Variants in WIPF1 observed in about 807,000 individuals in gnomAD.
WIPF1 encodes the protein WAS/WASL interacting protein family member 1, also known as WAS/WASL-interacting protein family member 1.
A neutral mutation model predicts 35.4 loss-of-function variants in WIPF1; 13 were observed. The ratio of observed to expected loss-of-function variants is 0.37; its 90% confidence interval spans 0.24 to 0.58. The LOEUF is 0.58. Ranked by LOEUF, WIPF1 falls within the 20% of genes least tolerant of loss-of-function variation. The pLI is 0.74. For synonymous variants in WIPF1, 267 were observed against 266.3 expected, an observed-to-expected ratio of 1.00 and a Z score of -0.02; for missense variants, 591 against 667.0, an observed-to-expected ratio of 0.89 and a Z score of 1.25.
chr2:174,579,533 G>A (rs1178331985), intron 3 of WIPF1, among the ~76,000 whole-genome samples: 1 of 152,246 alleles, frequency 6.6e-6, no homozygotes, highest in Non-Finnish European at 1.5e-5. Context: ...TGTGACAGCA[G>A]TATAGGTGTC....
chr2:174,576,230 C>CAAAAAAAAAAAA (rs66562213), intron 3 of WIPF1, among the ~76,000 whole-genome samples: 36 of 98,926 alleles, frequency 3.6e-4, no homozygotes, highest in African/African-American at 1.5e-3. Flanking sequence ...TGCACTCCAG[C>CAAAAAAAAAAAA]AAAAAAAAAA....
rs1284391680 is a variant in WIPF1, at chr2:174,571,819, T to C, written c.986A>G (p.Asp329Gly). 1 of 1,614,118 alleles carries C rather than the reference T, an allele frequency of 6.2e-7. No individual in the cohort carries two copies. The highest frequency in any genetic ancestry group is 8.5e-7 in the Non-Finnish European group (1 of 1,179,998). The change falls in exon 5 of 8, where the codon GAC becomes GGC. Residue 329 changes from aspartate to glycine, a missense_variant. By Grantham distance (94) the Asp-to-Gly change is moderately conservative (BLOSUM62 -1). Around this residue, in one of 3 missense-constraint regions of WIPF1, gnomAD observed 471 missense variants for 501.1 expected, o/e 0.94. Transcript: ENST00000679041. The surrounding 1 kb of genome is among the most constrained non-coding windows in gnomAD (Gnocchi z 4.6). ...PPLPPSSSGNDETPRLPQRNL... is the reference protein window; with the variant it reads ...PPLPPSSSGNGETPRLPQRNL... Reference sequence around the variant, plus strand: ...CCGCTGTGGGAGTCTTGGGGTTTCGTCATTGCCGCTGGAACTTGGAGGCAG... The same window carrying C: ...CCGCTGTGGGAGTCTTGGGGTTTCGCCATTGCCGCTGGAACTTGGAGGCAG...
At chr2:174,586,873 G>A (rs1169060475) in intron 1 of WIPF1, among the ~76,000 whole-genome samples, 1 of 152,164 alleles carries the variant, frequency 6.6e-6, no homozygotes, top group Admixed American at 6.6e-5. Context: ...TGATTCATAC[G>A]CACTAAAGCC....
chr2:174,599,227 C>T (rs1348066963), upstream of WIPF1, among the ~76,000 whole-genome samples: 1 of 152,064 alleles, frequency 6.6e-6, no homozygotes, highest in Non-Finnish European at 1.5e-5. Context: ...GGGCCTGTAG[C>T]ATTCAGTGGG....
At position 174,665,140 on chromosome 2, in the gene WIPF1, G is replaced by A. The variant is rs569779622; in HGVS notation, c.-39+17634C>T. The stretch of plus-strand genomic sequence containing the variant: ...AGGAGAGGCAGACCGAGGGTATAAC[G>A]CTGCATACATCCCTATAATATGGTT... On this transcript the variant is annotated intron_variant, in intron 1 of 8. Transcript: ENST00000272746. 4.6e-5 allele frequency: 7 copies of A among 152,218 alleles called. 1 individual carries two copies. Among genetic ancestry groups the A allele is most frequent in the African/African-American group, 1.4e-4 (6 of 41,538 alleles). The allele number at this position is 152,218 out of a possible 1,614,324, so 9.4% of individuals were successfully genotyped here.
chr2:174,605,912 C>T (rs1686148623), intron 1 of WIPF1, among the ~76,000 whole-genome samples: 1 of 151,934 alleles, frequency 6.6e-6, no homozygotes, highest in South Asian at 2.1e-4. Context: ...AAGAGGTTTG[C>T]TTAATCTAGT....
intron 1 of WIPF1, among the ~76,000 whole-genome samples, chr2:174,628,428 T>A (rs1686915054): frequency 6.6e-6 from 1 of 152,236 alleles, no homozygotes; most frequent in Non-Finnish European, 1.5e-5. Context: ...AGGCCAATAC[T>A]GGGCAACCAT....
chr2:174,606,067 G>GA, intron 1 of WIPF1, among the ~76,000 whole-genome samples: 1 of 152,232 alleles, frequency 6.6e-6, no homozygotes, highest in Non-Finnish European at 1.5e-5. Flanking sequence ...GTTCTTCCCA[G>GA]AAAAGGAGTA....
chr2:174,632,943 G>A (rs1168086371), intron 1 of WIPF1, among the ~76,000 whole-genome samples: 1 of 152,118 alleles, frequency 6.6e-6, no homozygotes, highest in Non-Finnish European at 1.5e-5. Flanking sequence ...TGGGGCTCAA[G>A]GGCAGTACCA....
intron 1 of WIPF1, among the ~76,000 whole-genome samples, chr2:174,640,578 T>A (rs947757324): frequency 6.6e-6 from 1 of 151,940 alleles, no homozygotes; most frequent in African/African-American, 2.4e-5. Context: ...CCCATGTACA[T>A]GGATTTTATA....
intron 1 of WIPF1, among the ~76,000 whole-genome samples, chr2:174,671,831 A>C (rs1436600517): frequency 6.6e-6 from 1 of 152,150 alleles, no homozygotes; most frequent in Non-Finnish European, 1.5e-5. Flanking sequence ...CTGTCTCCTG[A>C]TGTTATCAAT....
At chr2:174,638,239 G>A (rs1457865125) in intron 1 of WIPF1, among the ~76,000 whole-genome samples, 1 of 152,060 alleles carries the variant, frequency 6.6e-6, no homozygotes, top group Admixed American at 6.5e-5. Flanking sequence ...TTGATATAAA[G>A]TAAAAAGGGG....
In WIPF1 at chr2:174,682,366, G is replaced by C. The variant is rs368864989; in HGVS notation, c.-39+408C>G. Reference sequence around the variant, plus strand: ...TGCCCGAACGTCCCCCTCTGTCCTAGCTGGGGTGTAGGTGCAGCCCCAGGG... The same window carrying C: ...TGCCCGAACGTCCCCCTCTGTCCTACCTGGGGTGTAGGTGCAGCCCCAGGG... On this transcript the variant is annotated intron_variant, in intron 1 of 8. Transcript: ENST00000272746. Among the ~76,000 whole-genome samples the C allele has an allele frequency of 4.0e-4, 61 of 152,280 alleles. No individual in the cohort carries two copies. In the East Asian group the frequency reaches 0.011, roughly 28 times the overall value.
chr2:174,658,396 G>T (rs1017116634), intron 1 of WIPF1, among the ~76,000 whole-genome samples: 1 of 152,176 alleles, frequency 6.6e-6, no homozygotes, highest in African/African-American at 2.4e-5. Context: ...TGATAAAAGT[G>T]AGCAAGTAAC....
At chr2:174,642,117 A>G (rs1300696628) in intron 1 of WIPF1, among the ~76,000 whole-genome samples, 2 of 152,072 alleles carry the variant, frequency 1.3e-5, no homozygotes, top group Non-Finnish European at 2.9e-5. Flanking sequence ...GAATAGTCCT[A>G]TTCTTTATTT....
intron 6 of WIPF1, 61 bp downstream of exon 6, chr2:174,567,800 A>T (rs1684707851): frequency 6.7e-7 from 1 of 1,497,922 alleles, no homozygotes; most frequent in Non-Finnish European, 9.0e-7. Flanking sequence ...AACCACATAT[A>T]CAAACAGATT....
At chr2:174,595,109 A>ATAT (rs1553529786) in intron 1 of WIPF1, among the ~76,000 whole-genome samples, 2 of 57,750 alleles carry the variant, frequency 3.5e-5, no homozygotes, top group African/African-American at 1.8e-4. Flanking sequence ...AAAAAAAAAA[A>ATAT]ATATATATAT....
chr2:174,614,821 A>T (rs548223422), intron 1 of WIPF1, among the ~76,000 whole-genome samples: 19 of 152,342 alleles, frequency 1.2e-4, no homozygotes, highest in Admixed American at 5.9e-4. Flanking sequence ...CTTCACTAGC[A>T]TTGTTCACTG....
At chr2:174,635,363 G>A (rs1010212069) in intron 1 of WIPF1, among the ~76,000 whole-genome samples, 3 of 152,100 alleles carry the variant, frequency 2.0e-5, no homozygotes, top group Admixed American at 6.6e-5. Context: ...CCTGGCCATG[G>A]GGGCTCTGAT....
Sources: gnomAD v4.1 joint callset for allele counts (sites outside exome capture counted in the v4.1 genomes callset) on GRCh38, gnomAD v4.1.1 for gene constraint, gnomAD v4.1.1 regional missense constraint, Gnocchi (gnomAD v3.1) non-coding constraint, MANE v1.5 for transcripts, NCBI Gene and HGNC (gene_info 2026-07-23, HGNC 2026-07-21) for gene names.